Variants in TBC1D22A observed in about 807,000 individuals in gnomAD.
TBC1D22A encodes the protein TBC1 domain family member 22A.
In TBC1D22A, 38 loss-of-function variants were observed where a neutral mutation model predicts 60.2. The ratio of observed to expected loss-of-function variants is 0.63; its 90% CI spans 0.49 to 0.83. The LOEUF (loss-of-function observed/expected upper bound fraction) is 0.83, where lower values mean the gene tolerates loss of function less well. Ranked by LOEUF, TBC1D22A falls within the 40% of genes least tolerant of loss-of-function variation. TBC1D22A has a pLI of 0.00. For missense variants in TBC1D22A, 628 were observed against 701.0 expected, an observed-to-expected ratio of 0.90 and a Z score of 1.18; for synonymous variants, 302 against 281.7, an observed-to-expected ratio of 1.07 and a Z score of -0.72.
intron 4 of TBC1D22A, among the ~76,000 whole-genome samples, chr22:46,823,055 A>G (rs2085896694): frequency 1.3e-5 from 2 of 152,176 alleles, no homozygotes; most frequent in Non-Finnish European, 2.9e-5. Context: ...TGCTGTCAGG[A>G]ACCACAAGTA....
At chr22:46,959,026 C>T (rs1023385431) in intron 8 of TBC1D22A, among the ~76,000 whole-genome samples, 3 of 152,154 alleles carry the variant, frequency 2.0e-5, no homozygotes, top group African/African-American at 7.2e-5. Context: ...CATTGGCTGT[C>T]GCTCACTGAG....
At chr22:47,027,906 C>T (rs201784968) in intron 10 of TBC1D22A, among the ~76,000 whole-genome samples, 1 of 152,240 alleles carries the variant, frequency 6.6e-6, no homozygotes, top group African/African-American at 2.4e-5. Context: ...ACTCCTCCCC[C>T]CTGGGCAGCT....
intron 11 of TBC1D22A, among the ~76,000 whole-genome samples, chr22:47,069,498 G>A (rs577107052): frequency 1.3e-5 from 2 of 152,372 alleles, no homozygotes; most frequent in South Asian, 4.1e-4. Context: ...ATGGACGAAC[G>A]TGAGTCTTGG....
chr22:46,778,519 GAC>G (rs1204900087), intron 1 of TBC1D22A, among the ~76,000 whole-genome samples: 1 of 151,638 alleles, frequency 6.6e-6, no homozygotes, highest in Admixed American at 6.6e-5. Context: ...AGCCTAGGCC[GAC>G]ACAGGGTCGG....
At chr22:47,159,565 C>T (rs1239088114) in intron 12 of TBC1D22A, among the ~76,000 whole-genome samples, 1 of 147,174 alleles carries the variant, frequency 6.8e-6, no homozygotes, top group Non-Finnish European at 1.5e-5. Context: ...TACACACACA[C>T]TACACACACA....
At chr22:46,948,037 T>C (rs1343336359) in intron 8 of TBC1D22A, among the ~76,000 whole-genome samples, 5 of 152,210 alleles carry the variant, frequency 3.3e-5, no homozygotes, top group Admixed American at 3.3e-4. Flanking sequence ...AATGAGGTGC[T>C]CTGAGCTACG....
intron 11 of TBC1D22A, among the ~76,000 whole-genome samples, chr22:47,042,205 GC>G (rs1808146654): frequency 6.6e-6 from 1 of 152,200 alleles, no homozygotes; most frequent in African/African-American, 2.4e-5. Context: ...GGGCTCCAGG[GC>G]CCTGTTGAGG....
At chr22:47,157,501 G>A (rs953751884) in intron 12 of TBC1D22A, among the ~76,000 whole-genome samples, 2 of 152,200 alleles carry the variant, frequency 1.3e-5, no homozygotes, top group African/African-American at 4.8e-5. Flanking sequence ...GCCGCTGCAC[G>A]GGCCAGGATG....
At chr22:47,041,433 A>G (rs980648342) in intron 11 of TBC1D22A, among the ~76,000 whole-genome samples, 2 of 152,096 alleles carry the variant, frequency 1.3e-5, no homozygotes, top group African/African-American at 4.8e-5. Flanking sequence ...GCGTCCTCCC[A>G]CTTCACACCC....
rs901209337 is a variant in TBC1D22A at position 46,927,109 on chromosome 22, C to T, written c.1015+14921C>T. ...CACTTTTCACCTCATTCTATGTGGCCGATATTACTCTGAGACCAAAGTGAG... is the reference window on the plus strand; with the variant it reads ...CACTTTTCACCTCATTCTATGTGGCTGATATTACTCTGAGACCAAAGTGAG... On this transcript the variant is annotated intron_variant, in intron 8 of 12. Transcript: ENST00000337137. Among the ~76,000 whole-genome samples, 12 of 152,120 alleles carry T rather than the reference C, an allele frequency of 7.9e-5. No homozygotes were observed. In the East Asian group the frequency reaches 1.4e-3, roughly 17 times the overall value.
chr22:46,810,882 A>C (rs761386425), intron 4 of TBC1D22A, among the ~76,000 whole-genome samples: 1 of 152,220 alleles, frequency 6.6e-6, no homozygotes. Context: ...GGAGACACCA[A>C]ATCCGTCCTT....
intron 8 of TBC1D22A, among the ~76,000 whole-genome samples, chr22:46,936,312 G>T (rs1336501842): frequency 6.6e-6 from 1 of 151,546 alleles, no homozygotes; most frequent in African/African-American, 2.4e-5. Context: ...CTGGGGCCAG[G>T]CTCCTCGCAG....
At chr22:46,837,067 G>A (rs540936041) in intron 4 of TBC1D22A, among the ~76,000 whole-genome samples, 18 of 151,764 alleles carry the variant, frequency 1.2e-4, no homozygotes, top group Non-Finnish European at 2.1e-4. Flanking sequence ...TGATGTTAAC[G>A]TGAACTATGA....
At chr22:47,126,016 C>T (rs2066442485) in intron 12 of TBC1D22A, among the ~76,000 whole-genome samples, 2 of 152,302 alleles carry the variant, frequency 1.3e-5, no homozygotes, top group African/African-American at 2.4e-5. Flanking sequence ...GAGTCTCGCT[C>T]TGTCGGCCAG....
chr22:46,946,526 G>A (rs954275983), intron 8 of TBC1D22A, among the ~76,000 whole-genome samples: 35 of 152,194 alleles, frequency 2.3e-4, no homozygotes, highest in African/African-American at 8.4e-4. Context: ...AGAGCTGTAA[G>A]ATCCAAGGGC....
Position 46,777,756 on chromosome 22 carries a change from T to C in TBC1D22A, c.63-14764T>C, listed in dbSNP as rs1414640570. On this transcript the variant is annotated intron_variant, in intron 1 of 12. Coordinates refer to ENST00000337137, the MANE Select transcript of TBC1D22A (RefSeq NM_014346.5). This position sits in a 1 kb window ranked among gnomAD's most constrained non-coding sequence, Gnocchi z 4.5. ...AGGAGAGAGGGGAAATGGGCCTCGGTGATGGCTGGCTGCCAGGGTGGCGGA... is the reference window on the plus strand; with the variant it reads ...AGGAGAGAGGGGAAATGGGCCTCGGCGATGGCTGGCTGCCAGGGTGGCGGA... Among the ~76,000 whole-genome samples the C allele has an allele frequency of 6.6e-6, 1 of 152,156 alleles. No homozygotes were observed. Among genetic ancestry groups the C allele is most frequent in the African/African-American group, 2.4e-5 (1 of 41,424 alleles).
At chr22:47,069,298 T>A (rs964397475) in intron 11 of TBC1D22A, among the ~76,000 whole-genome samples, 3 of 152,238 alleles carry the variant, frequency 2.0e-5, no homozygotes, top group Non-Finnish European at 4.4e-5. Flanking sequence ...GCAAACATGA[T>A]CCAAACAATC....
At chr22:47,100,625 G>A (rs970555382) in intron 11 of TBC1D22A, among the ~76,000 whole-genome samples, 6 of 152,280 alleles carry the variant, frequency 3.9e-5, no homozygotes, top group African/African-American at 1.4e-4. Flanking sequence ...CTCTGCACAC[G>A]CTCTCTCCTT....
At chr22:46,826,707 A>G (rs113025363) in intron 4 of TBC1D22A, among the ~76,000 whole-genome samples, 1,579 of 152,248 alleles carry the variant, frequency 0.01, 24 homozygotes, top group African/African-American at 0.036. Flanking sequence ...CTTGAGTGCT[A>G]TGGTCCTACA....
Sources: allele counts gnomAD v4.1 joint callset (sites outside exome capture counted in the v4.1 genomes callset), GRCh38; gene constraint gnomAD v4.1.1; non-coding constraint Gnocchi (gnomAD v3.1); transcripts MANE v1.5; gene names NCBI Gene and HGNC (gene_info 2026-07-23, HGNC 2026-07-21).